Variants in VPS52 observed in about 807,000 individuals in gnomAD.
The protein encoded by VPS52 is vacuolar protein sorting-associated protein 52 homolog.
A neutral mutation model predicts 98.7 loss-of-function variants in VPS52; 56 were observed. That is an observed-to-expected ratio of 0.57 (90% CI 0.46 to 0.71). The LOEUF (loss-of-function observed/expected upper bound fraction) is 0.71, where lower values mean the gene tolerates loss of function less well. Among genes scored for constraint, VPS52 ranks in the 30% least tolerant of loss-of-function variants. The probability of loss-of-function intolerance (pLI) is 0.00; values close to 1 mark genes in which losing one functional copy is unlikely to be tolerated. For missense variants in VPS52, 742 were observed against 925.9 expected (o/e 0.80, Z 2.58); for synonymous variants, 348 against 346.4 (o/e 1.00, Z -0.05).
chr6:33,261,052 C>A (rs749925462), intron 17 of VPS52, among the ~76,000 whole-genome samples: 2 of 151,140 alleles, frequency 1.3e-5, no homozygotes, highest in Non-Finnish European at 2.9e-5. Context: ...AATTCAAGAC[C>A]AGCCCAGGCA....
chr6:33,253,103 A>T (rs986127820), intron 17 of VPS52, among the ~76,000 whole-genome samples: 4 of 152,174 alleles, frequency 2.6e-5, no homozygotes, highest in Non-Finnish European at 5.9e-5. Context: ...GTTTCTTCCA[A>T]AAATAAATTG....
chr6:33,269,882 T>G, intron 3 of VPS52, 63 bp from the exon 4 acceptor site: 1 of 1,589,312 alleles, frequency 6.3e-7, no homozygotes, highest in Non-Finnish European at 8.6e-7. Flanking sequence ...TGTAACAGAA[T>G]CAGTGAAGGA....
At position 33,268,863 on chromosome 6, in the gene VPS52, A is replaced by G. The variant is rs190661816; in HGVS notation, c.548+151T>C. The G allele has an allele frequency of 4.2e-4, 479 of 1,132,144 alleles. 6 individuals carry two copies. In the East Asian group the frequency reaches 8.4e-3, roughly 20 times the overall value. The allele number at this position is 1,132,144 out of a possible 1,614,324, so 70.1% of individuals were successfully genotyped here. A position where few individuals can be genotyped will look rare whatever the true frequency, so the allele number is the denominator to read the frequency against. Reference sequence around the variant, plus strand: ...TCTTAATCTTAATCTTTGATGCCTAATGCATACCTAAAGAAATGGTGGTTA... The same window carrying G: ...TCTTAATCTTAATCTTTGATGCCTAGTGCATACCTAAAGAAATGGTGGTTA... On this transcript the variant is annotated intron_variant, in intron 6 of 19. Coordinates refer to ENST00000445902, the MANE Select transcript of VPS52 (RefSeq NM_022553.6). The surrounding 1 kb of genome is among the most constrained non-coding windows in gnomAD (Gnocchi z 4.0).
At position 33,264,402 on chromosome 6, in the gene VPS52, A is replaced by T; in HGVS notation, c.1496T>A (p.Leu499Gln). The change falls in exon 14 of 20, where the codon CTA (leucine) becomes CAA (glutamine). Residue 499 changes from leucine to glutamine, a missense_variant. Leu to Gln is a moderately radical substitution (Grantham distance 113). Transcript: ENST00000445902. ...GTGGGGCCGAGTATCCAACCCCCCT[A>T]GGCGCTGGGGGTCAGTGCTTCGGAC... is the stretch of plus-strand genomic sequence containing the variant. ...QSVRSTDPQR[L>Q]GGLDTRPHYI... is the part of the protein sequence containing the mutation. The T allele has an allele frequency of 6.2e-7, 1 of 1,614,108 alleles. No individual in the cohort carries two copies. The highest frequency in any genetic ancestry group is 8.5e-7 in the Non-Finnish European group (1 of 1,180,010).
At chr6:33,253,402 A>G (rs912371252) in intron 17 of VPS52, among the ~76,000 whole-genome samples, 1 of 151,326 alleles carries the variant, frequency 6.6e-6, no homozygotes, top group Non-Finnish European at 1.5e-5. Flanking sequence ...AGGCAGGAGA[A>G]TTGCTTGAAC....
At position 33,250,660 on chromosome 6, in the gene VPS52, G is replaced by T; in HGVS notation, c.*181C>A. ...CTGAAGACACTGGGATATTCAGAAG[G>T]CCAAGGGGATCCAGCTTATCCTGTT... On this transcript the variant is annotated 3_prime_UTR_variant, in exon 20 of 20. Coordinates refer to ENST00000445902, the MANE Select transcript of VPS52 (RefSeq NM_022553.6). 2.6e-6 allele frequency: 2 copies of T among 767,446 alleles called. No homozygotes were observed. The highest frequency in any genetic ancestry group is 4.1e-6 in the Non-Finnish European group (2 of 491,648). The allele number at this position is 767,446 out of a possible 1,614,324, so 47.5% of individuals were successfully genotyped here.
chr6:33,269,224 G>C (rs1201789899), intron 5 of VPS52, 35 bp from the exon 6 acceptor site: 3 of 1,608,152 alleles, frequency 1.9e-6, no homozygotes, highest in Non-Finnish European at 2.5e-6. Flanking sequence ...GAGTGCTATA[G>C]GGTTTGTAGG....
In VPS52 at chr6:33,255,462, CTTTTTTTTTTT is replaced by C. The variant is rs9280383; in HGVS notation, c.1795-3502_1795-3492del. Among the ~76,000 whole-genome samples the C allele has an allele frequency of 3.8e-4, 45 of 117,224 alleles. 1 individual carries two copies. The highest frequency in any genetic ancestry group is 5.1e-4 in the African/African-American group (15 of 29,140). 76.9% of individuals were successfully genotyped at this position (117,224 alleles called of 152,430 possible). A position where few individuals can be genotyped will look rare whatever the true frequency, so the allele number is the denominator to read the frequency against. ...TACAAATGCATGCCACTACGCCTGG[CTTTTTTTTTTT>C]TTTTTTTTTTTTTTTAAAGAAATGG... is the stretch of plus-strand genomic sequence containing the variant. On this transcript the variant is annotated intron_variant, in intron 17 of 19. Transcript: ENST00000445902.
Position 33,264,607 on chromosome 6 carries a change from G to C in VPS52, c.1401-110C>G, listed in dbSNP as rs139274492. ...GGTCAATAGCTAGTTGTGGGGGTTG[G>C]GGGGCAGTGGTTGGAGAAAGGTGAG... On this transcript the variant is annotated intron_variant, in intron 13 of 19. Coordinates refer to ENST00000445902, the MANE Select transcript of VPS52 (RefSeq NM_022553.6). 13,708 of 1,534,006 alleles carry C rather than the reference G, an allele frequency of 8.9e-3. 112 individuals are homozygous for C. Among genetic ancestry groups the C allele is most frequent in the Middle Eastern group, 0.028 (161 of 5,806 alleles).
Position 33,267,324 on chromosome 6 carries a change from A to T in VPS52, c.992-3T>A, listed in dbSNP as rs1764456782. 6.3e-7 allele frequency: 1 copy of T among 1,575,756 alleles called. No individual in the cohort carries two copies. Among genetic ancestry groups the T allele is most frequent in the African/African-American group, 1.4e-5 (1 of 73,488 alleles). On this transcript the variant is annotated splice_polypyrimidine_tract_variant and splice_region_variant and intron_variant, in intron 10 of 19. Transcript: ENST00000445902. The surrounding 1 kb of genome is among the most constrained non-coding windows in gnomAD (Gnocchi z 4.2). Reference sequence around the variant, plus strand: ...GAGCGATGGCTTTGAGAAGAATCGTAAGATGGGTCAGAGTCAGGGAAAACA... The same window carrying T: ...GAGCGATGGCTTTGAGAAGAATCGTTAGATGGGTCAGAGTCAGGGAAAACA...
chr6:33,251,379 G>A (rs1762216184), intron 19 of VPS52, 139 bp downstream of exon 19: 1 of 691,470 alleles, frequency 1.4e-6, no homozygotes, highest in Non-Finnish European at 2.6e-6. Flanking sequence ...AAAGAATCAG[G>A]TTAGGGCTCA....
chr6:33,270,021 A>G lies in VPS52; in HGVS notation c.206T>C (p.Leu69Ser). 1.9e-6 allele frequency: 3 copies of G among 1,614,198 alleles called. No individual in the cohort carries two copies. Among genetic ancestry groups the G allele is most frequent in the Non-Finnish European group, 2.5e-6 (3 of 1,180,044 alleles). Reference protein sequence around the residue: ...VHIQANLEDELVKEALKTGVD... With the variant: ...VHIQANLEDESVKEALKTGVD... ...CACCGTTTTAAGAGCTTCCTTTACT[A>G]ACTCATCCTCCAGATTTGCCTGAAT... The change falls in exon 3 of 20, where the codon TTA (leucine) becomes TCA (serine). Residue 69 changes from leucine (L) to serine (S), a missense_variant. By Grantham distance (145) the Leu-to-Ser change is moderately radical. Transcript: ENST00000445902.
Position 33,271,604 on chromosome 6 carries a change from C to T in VPS52, c.72G>A (p.Glu24=), listed in dbSNP as rs1765096881. The change falls in exon 1 of 20, where the codon GAG becomes GAA. Residue 24 remains glutamate (E), a synonymous_variant. Coordinates refer to ENST00000445902, the MANE Select transcript of VPS52 (RefSeq NM_022553.6). The stretch of plus-strand genomic sequence containing the variant: ...CTCTCACCAGCGGGCCCTCTTCCTC[C>T]TCCATATCTGAGGTCCCAGCCCGCA... The part of the protein sequence containing the change: ...LVLRAGTSDM[E]EEEGPLAGGP... 1 of 1,610,660 alleles carries T rather than the reference C, an allele frequency of 6.2e-7. No individual in the cohort carries two copies. The highest frequency in any genetic ancestry group is 8.5e-7 in the Non-Finnish European group (1 of 1,178,758).
intron 1 of VPS52, 38 bp from the exon 2 acceptor site, chr6:33,270,321 A>C (rs1447379845): frequency 6.4e-7 from 1 of 1,555,314 alleles, no homozygotes; most frequent in Admixed American, 1.8e-5. Flanking sequence ...GGGTACGGTG[A>C]AAGACAGAAA....
chr6:33,263,225 C>CT (rs1403241464), intron 17 of VPS52, among the ~76,000 whole-genome samples: 1 of 142,440 alleles, frequency 7.0e-6, no homozygotes, highest in East Asian at 2.0e-4. Context: ...GTTCATGCCA[C>CT]TGCACTCCAG....
intron 14 of VPS52, 76 bp downstream of exon 14, chr6:33,264,298 G>A: frequency 6.3e-7 from 1 of 1,589,340 alleles, no homozygotes; most frequent in Non-Finnish European, 8.6e-7. Context: ...ACACAACTGT[G>A]ACCTTGGCCA....
chr6:33,256,463 CAAAAAAAAA>C (rs9280385), intron 17 of VPS52, among the ~76,000 whole-genome samples: 33 of 83,694 alleles, frequency 3.9e-4, no homozygotes, highest in South Asian at 8.1e-4. Context: ...AAACCTGTCT[CAAAAAAAAA>C]AAAAAAAAAA....
At chr6:33,256,463 CAAAAAAAAAAA>C (rs9280385) in intron 17 of VPS52, among the ~76,000 whole-genome samples, 185 of 83,560 alleles carry the variant, frequency 2.2e-3, no homozygotes, top group African/African-American at 5.1e-3. Context: ...AAACCTGTCT[CAAAAAAAAAAA>C]AAAAAAAAAA....
intron 1 of VPS52, among the ~76,000 whole-genome samples, chr6:33,270,489 A>T (rs1764887312): frequency 6.6e-6 from 1 of 152,162 alleles, no homozygotes; most frequent in South Asian, 2.1e-4. Flanking sequence ...GAGTGAGACG[A>T]TCCAGTGAGA....
Sources: allele counts gnomAD v4.1 joint callset (sites outside exome capture counted in the v4.1 genomes callset), GRCh38; gene constraint gnomAD v4.1.1; non-coding constraint Gnocchi (gnomAD v3.1); transcripts MANE v1.5; gene names NCBI Gene and HGNC (gene_info 2026-07-23, HGNC 2026-07-21).